NLRP4: variants seen among roughly 807,000 people sequenced by gnomAD.
NLRP4 encodes NACHT, LRR and PYD domains-containing protein 4.
In NLRP4, 44 loss-of-function variants were observed where a neutral mutation model predicts 84.7. That is an observed-to-expected ratio of 0.52 (90% CI 0.41 to 0.67). The LOEUF (loss-of-function observed/expected upper bound fraction) is 0.67. Among genes scored for constraint, NLRP4 ranks in the 30% least tolerant of loss-of-function variants. The pLI is 0.00. For synonymous variants in NLRP4, 544 were observed against 476.4 expected (o/e 1.14, Z -1.85); for missense variants, 1,260 against 1,219.4 (o/e 1.03, Z -0.50).
At chr19:55,842,652 C>G (rs412812) in intron 1 of NLRP4, among the ~76,000 whole-genome samples, 23,350 of 152,034 alleles carry the variant, frequency 0.15, 2,041 homozygotes, top group East Asian at 0.22. Flanking sequence ...TTTTCACCTG[C>G]AATAATTTTC....
chr19:55,871,806 GA>G (rs1167530500), intron 7 of NLRP4, among the ~76,000 whole-genome samples: 2 of 148,716 alleles, frequency 1.3e-5, no homozygotes, highest in Non-Finnish European at 3.0e-5. Context: ...ACAATATTAA[GA>G]AAAAATTTAA....
At chr19:55,880,323 C>T (rs771338758) in intron 9 of NLRP4, among the ~76,000 whole-genome samples, 7 of 152,126 alleles carry the variant, frequency 4.6e-5, no homozygotes, top group Non-Finnish European at 1.0e-4. Flanking sequence ...AAAGTAGACA[C>T]GTGATTAAGG....
intron 1 of NLRP4, among the ~76,000 whole-genome samples, chr19:55,837,612 A>G (rs1983404062): frequency 1.3e-5 from 2 of 152,008 alleles, no homozygotes; most frequent in Non-Finnish European, 2.9e-5. Flanking sequence ...CTAAAAACAC[A>G]CACACACACA....
intron 1 of NLRP4, among the ~76,000 whole-genome samples, chr19:55,846,051 T>G (rs549294257): frequency 3.9e-5 from 6 of 152,308 alleles, no homozygotes; most frequent in African/African-American, 1.2e-4. Flanking sequence ...GTCAATTTTG[T>G]CTTTTGTTGC....
intron 3 of NLRP4, among the ~76,000 whole-genome samples, chr19:55,860,855 A>G (rs11670604): frequency 0.2 from 30,013 of 152,016 alleles, 3,047 homozygotes; most frequent in East Asian, 0.39. Flanking sequence ...GCACGCACCT[A>G]TTATCCCAGC....
chr19:55,847,747 C>T (rs960249392), intron 1 of NLRP4, among the ~76,000 whole-genome samples: 6 of 146,342 alleles, frequency 4.1e-5, no homozygotes, highest in Admixed American at 3.4e-4. Flanking sequence ...TGGAGTCTCG[C>T]TCTGTTGCCC....
rs150823740 is a variant in NLRP4, at chr19:55,858,146, G to A, written c.753G>A (p.Leu251=). ...CCGATTCGGATCTGTGTGGTGACTT[G>A]ATGGAGAAACGGCCGGTGCAGGTGC... ...NEPDSDLCGD[L]MEKRPVQVLL... is the part of the protein sequence containing the mutation. Residue 251 remains leucine (L), a synonymous_variant, in exon 3 of 10, where the codon TTG becomes TTA. Coordinates refer to ENST00000301295, the MANE Select transcript of NLRP4 (RefSeq NM_134444.5). The surrounding 1 kb of genome is among the most constrained non-coding windows in gnomAD (Gnocchi z 4.2). 29 of 1,614,048 alleles carry A rather than the reference G, an allele frequency of 1.8e-5. No homozygotes were observed. Among genetic ancestry groups the A allele is most frequent in the Non-Finnish European group, 2.4e-5 (28 of 1,180,032 alleles).
rs778820961 is a variant in NLRP4, at chr19:55,861,536, T to G, written c.2007T>G (p.Leu669=). 2 of 1,613,938 alleles carry G rather than the reference T, an allele frequency of 1.2e-6. No individual in the cohort carries two copies. Among genetic ancestry groups the G allele is most frequent in the Non-Finnish European group, 1.7e-6 (2 of 1,179,918 alleles). Reference sequence around the variant, plus strand: ...AGCTGAGGCATCCCAGCTGTCGCCTTCAGAAGCTTGGGTGAGTTGAGAATC... The same window carrying G: ...AGCTGAGGCATCCCAGCTGTCGCCTGCAGAAGCTTGGGTGAGTTGAGAATC... ...CNQLRHPSCR[L]QKLGINNVSF... is the part of the protein sequence containing the mutation. The change falls in exon 4 of 10, where the codon CTT becomes CTG. Residue 669 remains leucine, a synonymous_variant. Coordinates refer to ENST00000301295, the MANE Select transcript of NLRP4 (RefSeq NM_134444.5).
intron 5 of NLRP4, among the ~76,000 whole-genome samples, chr19:55,867,251 C>T (rs975932791): frequency 2.1e-5 from 3 of 145,916 alleles, no homozygotes; most frequent in African/African-American, 5.1e-5. Flanking sequence ...ATGCATATAA[C>T]AGATGGTGCG....
At position 55,871,234 on chromosome 19, in the gene NLRP4, G is replaced by A. The variant is rs1985168884; in HGVS notation, c.2525+237G>A. On this transcript the variant is annotated intron_variant, in intron 7 of 9. Transcript: ENST00000301295. Reference sequence around the variant, plus strand: ...AGTTCTCCAGTGGCATATAGGTAGAGGACTGAGAGAGCCGGAATTAGGTCG... The same window carrying A: ...AGTTCTCCAGTGGCATATAGGTAGAAGACTGAGAGAGCCGGAATTAGGTCG... Among the ~76,000 whole-genome samples the A allele has an allele frequency of 2.6e-5, 4 of 152,196 alleles. 1 individual carries two copies. The highest frequency in any genetic ancestry group is 6.5e-5 in the Admixed American group (1 of 15,282).
chr19:55,848,697 C>T (rs534263238), intron 1 of NLRP4, among the ~76,000 whole-genome samples: 3 of 152,176 alleles, frequency 2.0e-5, no homozygotes, highest in Admixed American at 6.5e-5. Flanking sequence ...CCACCATGCC[C>T]GGCTGTACTA....
At chr19:55,849,068 G>A (rs948720462) in intron 1 of NLRP4, among the ~76,000 whole-genome samples, 1 of 152,168 alleles carries the variant, frequency 6.6e-6, no homozygotes, top group African/African-American at 2.4e-5. Context: ...CTTGGGTAAT[G>A]TCTCTATCAG....
intron 1 of NLRP4, among the ~76,000 whole-genome samples, chr19:55,849,534 C>A (rs774191072): frequency 2.0e-5 from 3 of 152,154 alleles, no homozygotes; most frequent in Non-Finnish European, 4.4e-5. Flanking sequence ...ACACAGCTGC[C>A]TTCTGTGTCC....
At position 55,852,290 on chromosome 19, in the gene NLRP4, C is replaced by G; in HGVS notation, c.210C>G (p.Asn70Lys). The change falls in exon 2 of 10, where the codon AAC becomes AAG. Residue 70 changes from asparagine (N) to lysine (K), a missense_variant. Coordinates refer to ENST00000301295, the MANE Select transcript of NLRP4 (RefSeq NM_134444.5). ...IKHYEEQQAWNITLRIFQKMD... is the reference protein window; with the variant it reads ...IKHYEEQQAWKITLRIFQKMD... ...ACTATGAAGAACAACAAGCTTGGAACATAACCTTAAGAATCTTTCAAAAGA... is the reference window on the plus strand; with the variant it reads ...ACTATGAAGAACAACAAGCTTGGAAGATAACCTTAAGAATCTTTCAAAAGA... 6.2e-7 allele frequency: 1 copy of G among 1,605,486 alleles called. No individual in the cohort carries two copies. The highest frequency in any genetic ancestry group is 1.1e-5 in the South Asian group (1 of 89,046).
chr19:55,840,900 A>G (rs1393894973), intron 1 of NLRP4, among the ~76,000 whole-genome samples: 4 of 152,176 alleles, frequency 2.6e-5, no homozygotes, highest in Admixed American at 2.6e-4. Context: ...TTTCCTTCTA[A>G]TTCAAGTCGT....
In NLRP4 at chr19:55,877,010, T is replaced by C; in HGVS notation, c.2540T>C (p.Phe847Ser). 6.2e-7 allele frequency: 1 copy of C among 1,613,712 alleles called. No individual in the cohort carries two copies. The highest frequency in any genetic ancestry group is 8.5e-7 in the Non-Finnish European group (1 of 1,179,698). The change falls in exon 8 of 10, where the codon TTT (phenylalanine) becomes TCT (serine). Residue 847 changes from phenylalanine (F) to serine (S), a missense_variant. Physicochemically the swap from Phe to Ser is radical, Grantham distance 155. Coordinates refer to ENST00000301295, the MANE Select transcript of NLRP4 (RefSeq NM_134444.5). The stretch of plus-strand genomic sequence containing the variant: ...CTCCTTTGCAGTTTGGTAAAATGTT[T>C]TATCACTGCTGCTGGCTGTGAAGAC... Reference protein sequence around the residue: ...CLDSLCLVKCFITAAGCEDLA... With the variant: ...CLDSLCLVKCSITAAGCEDLA...
rs1984296504 is a variant in NLRP4 at position 55,853,907 on chromosome 19, T to TCTC, written c.280+1547_280+1548insCTC. Among the ~76,000 whole-genome samples, 2 of 111,572 alleles carry TCTC rather than the reference T, an allele frequency of 1.8e-5. 1 individual carries two copies. The highest frequency in any genetic ancestry group is 1.2e-4 in the African/African-American group (2 of 17,082). 73.2% of individuals were successfully genotyped at this position (111,572 alleles called of 152,430 possible). A position where few individuals can be genotyped will look rare whatever the true frequency, so the allele number is the denominator to read the frequency against. ...TATCTCTTTCTCTCTCTCTCTCTCT[T>TCTC]TCTCTTTCTTTCTCTTTCTCTTTCT... On this transcript the variant is annotated intron_variant, in intron 2 of 9. Coordinates refer to ENST00000301295, the MANE Select transcript of NLRP4 (RefSeq NM_134444.5).
Position 55,870,932 on chromosome 19 carries a change from G to T in NLRP4, c.2460G>T (p.Lys820Asn). The T allele has an allele frequency of 6.2e-7, 1 of 1,614,158 alleles. No homozygotes were observed. Among genetic ancestry groups the T allele is most frequent in the Admixed American group, 1.7e-5 (1 of 60,020 alleles). The change falls in exon 7 of 10, where the codon AAG becomes AAT. Residue 820 changes from lysine to asparagine, a missense_variant. Lys to Asn is a moderately conservative substitution (Grantham distance 94). Coordinates refer to ENST00000301295, the MANE Select transcript of NLRP4 (RefSeq NM_134444.5). Reference protein sequence around the residue: ...RYLDLSANVLKDEGLKTLCEA... With the variant: ...RYLDLSANVLNDEGLKTLCEA... Reference sequence around the variant, plus strand: ...TAGACCTCAGTGCCAATGTCCTGAAGGACGAAGGACTGAAAACTCTCTGCG... The same window carrying T: ...TAGACCTCAGTGCCAATGTCCTGAATGACGAAGGACTGAAAACTCTCTGCG...
At chr19:55,853,578 T>C (rs972593143) in intron 2 of NLRP4, among the ~76,000 whole-genome samples, 2 of 151,272 alleles carry the variant, frequency 1.3e-5, no homozygotes, top group Non-Finnish European at 2.9e-5. Flanking sequence ...GGCTAACCTT[T>C]TAAAAAAAAA....
Sources: gnomAD v4.1 joint callset for allele counts (sites outside exome capture counted in the v4.1 genomes callset) on GRCh38, gnomAD v4.1.1 for gene constraint, Gnocchi (gnomAD v3.1) non-coding constraint, MANE v1.5 for transcripts, NCBI Gene and HGNC (gene_info 2026-07-23, HGNC 2026-07-21) for gene names.